NEK7: variants seen among roughly 807,000 people sequenced by gnomAD.
NEK7 encodes the protein serine/threonine-protein kinase Nek7.
Under a neutral mutation model 44.6 loss-of-function variants are expected in NEK7, and 18 were observed. The observed-to-expected ratio is 0.40, with a 90% CI of 0.28 to 0.60. NEK7 has a LOEUF of 0.60. Ranked by LOEUF, NEK7 falls within the 20% of genes least tolerant of loss-of-function variation. NEK7 has a pLI of 0.38. For missense variants in NEK7, 256 were observed against 366.5 expected (o/e 0.70, Z 2.46); for synonymous variants, 130 against 121.1 (o/e 1.07, Z -0.48).
intron 7 of NEK7, among the ~76,000 whole-genome samples, chr1:198,286,013 C>T (rs533645581): frequency 1.3e-5 from 2 of 152,264 alleles, no homozygotes; most frequent in East Asian, 3.9e-4. Flanking sequence ...ATGAGGTTCA[C>T]TGGAGTATTG....
chr1:198,251,581 A>G (rs1332451439), intron 2 of NEK7, among the ~76,000 whole-genome samples: 2 of 152,106 alleles, frequency 1.3e-5, no homozygotes, highest in Non-Finnish European at 1.5e-5. Context: ...CAGAGATTCA[A>G]CTTCTTCCTG....
intron 2 of NEK7, among the ~76,000 whole-genome samples, chr1:198,234,711 C>T (rs1409250802): frequency 6.6e-6 from 1 of 152,192 alleles, no homozygotes; most frequent in Non-Finnish European, 1.5e-5. Context: ...TTTCTTTTTA[C>T]ACTGTTCCTT....
intron 7 of NEK7, among the ~76,000 whole-genome samples, chr1:198,283,182 C>G (rs563899659): frequency 6.6e-6 from 1 of 152,230 alleles, no homozygotes; most frequent in African/African-American, 2.4e-5. Flanking sequence ...ACATTTTATT[C>G]TAAGTGCAGT....
At chr1:198,220,279 C>A (rs898119098) in intron 1 of NEK7, among the ~76,000 whole-genome samples, 14 of 151,918 alleles carry the variant, frequency 9.2e-5, no homozygotes, top group Admixed American at 6.6e-4. Flanking sequence ...ACTACCTTGT[C>A]TTTGGCACAA....
rs1666036119 is a variant in NEK7 at position 198,219,897 on chromosome 1, CTT to C, written c.-28-12652_-28-12651del. On this transcript the variant is annotated intron_variant, in intron 1 of 9. Transcript: ENST00000367385. ...CCAGGCTCTCTACTATGAAATCACT[CTT>C]TTTCCCTTTGTAATTAATATGTGCT... is the stretch of plus-strand genomic sequence containing the variant. Among the ~76,000 whole-genome samples the C allele has an allele frequency of 2.3e-5, 3 of 129,110 alleles. No individual in the cohort carries two copies. The Admixed American group carries it at 3.0e-4, about 13-fold the overall frequency. The allele number at this position is 129,110 out of a possible 152,430, so 84.7% of individuals were successfully genotyped here.
intron 1 of NEK7, among the ~76,000 whole-genome samples, chr1:198,195,553 G>A (rs1665204046): frequency 6.6e-6 from 1 of 152,170 alleles, no homozygotes; most frequent in Non-Finnish European, 1.5e-5. Flanking sequence ...AGGCGTGGTG[G>A]CTCATGCCTG....
intron 7 of NEK7, 40 bp downstream of exon 7, chr1:198,279,101 A>G (rs913198764): frequency 2.5e-6 from 3 of 1,195,274 alleles, no homozygotes; most frequent in Non-Finnish European, 3.7e-6. Flanking sequence ...TACTTTGTGT[A>G]TGTGTGATTA....
intron 1 of NEK7, chr1:198,207,169 G>A (rs1665621760): frequency 6.6e-6 from 1 of 152,016 alleles, no homozygotes; most frequent in Admixed American, 6.5e-5. Context: ...AATCTTATTA[G>A]AGTAGTAAGC....
Position 198,297,115 on chromosome 1 carries a change from G to A in NEK7, c.685-12G>A, listed in dbSNP as rs772191165. 2 of 1,546,208 alleles carry A rather than the reference G, an allele frequency of 1.3e-6. No individual in the cohort carries two copies. Among genetic ancestry groups the A allele is most frequent in the Non-Finnish European group, 1.8e-6 (2 of 1,119,578 alleles). On this transcript the variant is annotated splice_polypyrimidine_tract_variant and intron_variant, in intron 8 of 9. Coordinates refer to ENST00000367385, the MANE Select transcript of NEK7 (RefSeq NM_133494.3). Reference sequence around the variant, plus strand: ...ATCTAACTATATCAGTTTCATTGGGGGCATTTTACAGATGGCTGCATTACA... The same window carrying A: ...ATCTAACTATATCAGTTTCATTGGGAGCATTTTACAGATGGCTGCATTACA...
At chr1:198,198,100 T>G in intron 1 of NEK7, 1 of 1,367,958 alleles carries the variant, frequency 7.3e-7, no homozygotes. Flanking sequence ...TGATAGGTGG[T>G]GGGTGGGCAG....
chr1:198,306,171 G>C (rs531197598), intron 9 of NEK7, among the ~76,000 whole-genome samples: 4 of 152,156 alleles, frequency 2.6e-5, no homozygotes, highest in African/African-American at 9.6e-5. Flanking sequence ...GCATAGAGTC[G>C]TTCATAAATA....
At chr1:198,251,805 G>T (rs1653007352) in intron 2 of NEK7, among the ~76,000 whole-genome samples, 1 of 151,840 alleles carries the variant, frequency 6.6e-6, no homozygotes, top group Non-Finnish European at 1.5e-5. Context: ...TATCAATTTT[G>T]TTGATCCTTT....
intron 2 of NEK7, among the ~76,000 whole-genome samples, chr1:198,247,087 A>G (rs1411437299): frequency 6.6e-6 from 1 of 152,188 alleles, no homozygotes; most frequent in Non-Finnish European, 1.5e-5. Context: ...CATATATATC[A>G]TTTTGTCACA....
chr1:198,246,125 G>A (rs1666828327), intron 2 of NEK7, among the ~76,000 whole-genome samples: 1 of 152,128 alleles, frequency 6.6e-6, no homozygotes. Flanking sequence ...GTATGGCATT[G>A]AAAACAATAT....
In NEK7 at chr1:198,271,905, T is replaced by TTA. The variant is rs34354855; in HGVS notation, c.373-6037_373-6036dup. Among the ~76,000 whole-genome samples the TTA allele has an allele frequency of 6.7e-3, 954 of 141,380 alleles. 7 individuals carry two copies. The highest frequency in any genetic ancestry group is 0.044 in the Middle Eastern group (12 of 272). 92.8% of individuals were successfully genotyped at this position (141,380 alleles called of 152,430 possible). A position where few individuals can be genotyped will look rare whatever the true frequency, so the allele number is the denominator to read the frequency against. On this transcript the variant is annotated intron_variant, in intron 5 of 9. Coordinates refer to ENST00000367385, the MANE Select transcript of NEK7 (RefSeq NM_133494.3). ...TATATATAAATTAAAAATTTATATT[T>TTA]TATATATATATATATATATACACAC...
chr1:198,246,507 C>G (rs977062129), intron 2 of NEK7, among the ~76,000 whole-genome samples: 25 of 152,234 alleles, frequency 1.6e-4, no homozygotes, highest in African/African-American at 6.0e-4. Flanking sequence ...CAGTTCATCC[C>G]TCAACTGCCA....
intron 1 of NEK7, among the ~76,000 whole-genome samples, chr1:198,215,508 A>G (rs1665892279): frequency 6.6e-6 from 1 of 151,430 alleles, no homozygotes; most frequent in South Asian, 2.1e-4. Flanking sequence ...TATTTTGCTC[A>G]TCAGCTGTCA....
chr1:198,207,476 G>A (rs944457621), intron 1 of NEK7, among the ~76,000 whole-genome samples: 18 of 152,092 alleles, frequency 1.2e-4, no homozygotes, highest in Admixed American at 1.0e-3. Context: ...ACCCCCCTCA[G>A]TTGGAGAATG....
At chr1:198,298,308 C>T (rs926730465) in intron 9 of NEK7, among the ~76,000 whole-genome samples, 5 of 152,112 alleles carry the variant, frequency 3.3e-5, no homozygotes, top group Admixed American at 6.5e-5. Flanking sequence ...AATTTGAGTT[C>T]GTGTAACTTG....
Sources: gnomAD v4.1 joint callset for allele counts (sites outside exome capture counted in the v4.1 genomes callset) on GRCh38, gnomAD v4.1.1 for gene constraint, MANE v1.5 for transcripts, NCBI Gene and HGNC (gene_info 2026-07-23, HGNC 2026-07-21) for gene names.